The following ARNT2 variants were observed in gnomAD, a reference collection of about 807,000 sequenced individuals.
The protein encoded by ARNT2 is aryl hydrocarbon receptor nuclear translocator 2, also known as ARNT protein 2.
Under a neutral mutation model 91.7 loss-of-function variants are expected in ARNT2, and 36 were observed. That is an observed-to-expected ratio of 0.39 (90% CI 0.30 to 0.52). ARNT2 has a LOEUF of 0.52. Ranked by LOEUF, ARNT2 falls within the 20% of genes least tolerant of loss-of-function variation. ARNT2 has a pLI of 0.72. For synonymous variants in ARNT2, 365 were observed against 347.1 expected (o/e 1.05, Z -0.57); for missense variants, 775 against 939.3 (o/e 0.83, Z 2.29).
At chr15:80,424,212 G>T (rs190993150) in intron 1 of ARNT2, among the ~76,000 whole-genome samples, 6 of 152,190 alleles carry the variant, frequency 3.9e-5, no homozygotes, top group Admixed American at 3.9e-4. Context: ...TACCTGGGCC[G>T]CAAGGACTGT....
At chr15:80,593,035 A>C (rs1471853388) in intron 18 of ARNT2, among the ~76,000 whole-genome samples, 1 of 152,202 alleles carries the variant, frequency 6.6e-6, no homozygotes, top group East Asian at 1.9e-4. Context: ...AACAGAACAC[A>C]TGTTGGGGAA....
At chr15:80,566,744 G>GTT (rs1898492312) in intron 12 of ARNT2, among the ~76,000 whole-genome samples, 1 of 152,164 alleles carries the variant, frequency 6.6e-6, no homozygotes, top group Non-Finnish European at 1.5e-5. Context: ...CCCAAACTCT[G>GTT]TCCAACCAGC....
chr15:80,559,339 C>G (rs529781466), intron 11 of ARNT2, among the ~76,000 whole-genome samples: 1 of 151,806 alleles, frequency 6.6e-6, no homozygotes, highest in Non-Finnish European at 1.5e-5. Context: ...CCAGCCCCAG[C>G]CCCAGCCCCG....
chr15:80,572,135 C>A (rs891359911), intron 12 of ARNT2, among the ~76,000 whole-genome samples: 8 of 151,288 alleles, frequency 5.3e-5, no homozygotes, highest in South Asian at 2.1e-4. Context: ...AAAAAAAAAA[C>A]AAACCTATTT....
chr15:80,447,087 G>C (rs1486749288), intron 1 of ARNT2, among the ~76,000 whole-genome samples: 1 of 152,090 alleles, frequency 6.6e-6, no homozygotes, highest in Non-Finnish European at 1.5e-5. Context: ...GAATAGCCAA[G>C]TTTAACATAT....
At chr15:80,452,518 T>A (rs1896411571) in intron 2 of ARNT2, among the ~76,000 whole-genome samples, 1 of 152,204 alleles carries the variant, frequency 6.6e-6, no homozygotes, top group Admixed American at 6.5e-5. Context: ...AGACAAGAGG[T>A]GTCAACTTAA....
At chr15:80,580,889 C>A (rs1174989319) in intron 16 of ARNT2, among the ~76,000 whole-genome samples, 1 of 152,092 alleles carries the variant, frequency 6.6e-6, no homozygotes, top group Non-Finnish European at 1.5e-5. Context: ...AACCACCAAC[C>A]CTTGTGACAT....
intron 8 of ARNT2, among the ~76,000 whole-genome samples, chr15:80,520,943 T>G (rs1372677845): frequency 2.6e-5 from 4 of 152,220 alleles, no homozygotes; most frequent in Non-Finnish European, 5.9e-5. Context: ...ATATTGACTT[T>G]GGAAACAAAA....
chr15:80,442,856 CA>C, intron 1 of ARNT2: 1 of 985,362 alleles, frequency 1.0e-6, no homozygotes, highest in Non-Finnish European at 1.2e-6. Flanking sequence ...ATCAGGTGAC[CA>C]AGGTTTTTTA....
At chr15:80,505,786 G>A (rs1897264068) in intron 5 of ARNT2, among the ~76,000 whole-genome samples, 1 of 152,190 alleles carries the variant, frequency 6.6e-6, no homozygotes, top group Admixed American at 6.5e-5. Flanking sequence ...AGAAAGGGCA[G>A]CTTTGGACAG....
chr15:80,550,772 G>T (rs1047043797), intron 8 of ARNT2, among the ~76,000 whole-genome samples: 1 of 152,228 alleles, frequency 6.6e-6, no homozygotes, highest in African/African-American at 2.4e-5. Flanking sequence ...TTAGTAACCA[G>T]CTTCAGTGGT....
At chr15:80,415,344 G>A (rs1171480325) in intron 1 of ARNT2, among the ~76,000 whole-genome samples, 1 of 152,232 alleles carries the variant, frequency 6.6e-6, no homozygotes, top group Non-Finnish European at 1.5e-5. Context: ...TGCCAACCGT[G>A]TGCTCACAGT....
chr15:80,509,085 C>A (rs778421040), intron 6 of ARNT2, among the ~76,000 whole-genome samples: 1 of 152,176 alleles, frequency 6.6e-6, no homozygotes, highest in Non-Finnish European at 1.5e-5. Context: ...TTATTCAACA[C>A]ATTTATGTTA....
chr15:80,582,284 G>C (rs888830401), intron 17 of ARNT2, among the ~76,000 whole-genome samples: 1 of 149,072 alleles, frequency 6.7e-6, no homozygotes, highest in African/African-American at 2.5e-5. Flanking sequence ...CGGAGCCCAG[G>C]AGTTCAAGAC....
At chr15:80,467,735 TGGCGAGGCGG>T (rs1442055204) in intron 3 of ARNT2, among the ~76,000 whole-genome samples, 2 of 152,168 alleles carry the variant, frequency 1.3e-5, no homozygotes, top group Non-Finnish European at 2.9e-5. Flanking sequence ...AAGTGTAGGC[TGGCGAGGCGG>T]GGGCTCACCC....
At chr15:80,506,275 G>A (rs183317671) in intron 5 of ARNT2, among the ~76,000 whole-genome samples, 1 of 152,336 alleles carries the variant, frequency 6.6e-6, no homozygotes, top group Admixed American at 6.5e-5. Context: ...TTCCATTCAA[G>A]GGATGCCATG....
chr15:80,555,242 G>A lies in ARNT2; in HGVS notation c.1164+103G>A, dbSNP rs1288648705. 7.1e-6 allele frequency: 9 copies of A among 1,274,234 alleles called. No homozygotes were observed. In the East Asian group the frequency reaches 2.1e-4, roughly 30 times the overall value. The allele number at this position is 1,274,234 out of a possible 1,614,324, so 78.9% of individuals were successfully genotyped here. ...TACTATGTGCCAGGCAGGCTGCAAGGTCCTACCTATGGCCTCACTCAGGGC... is the reference window on the plus strand; with the variant it reads ...TACTATGTGCCAGGCAGGCTGCAAGATCCTACCTATGGCCTCACTCAGGGC... On this transcript the variant is annotated intron_variant, in intron 11 of 18. Coordinates refer to ENST00000303329, the MANE Select transcript of ARNT2 (RefSeq NM_014862.4).
rs1896380061 is a variant in ARNT2, at chr15:80,450,986, G to A, written c.138G>A (p.Arg46=). The change falls in exon 2 of 19, where the codon CGG becomes CGA. Residue 46 remains arginine, a synonymous_variant. Coordinates refer to ENST00000303329, the MANE Select transcript of ARNT2 (RefSeq NM_014862.4). ...AGAMPARGGK[R]RSGMDFDDED... is the part of the protein sequence containing the mutation. ...CCATGCCTGCCCGTGGAGGAAAGCG[G>A]CGTTCCGGGTAAGCGACCTCAGCGT... 1 of 1,613,732 alleles carries A rather than the reference G, an allele frequency of 6.2e-7. No individual in the cohort carries two copies. The highest frequency in any genetic ancestry group is 8.5e-7 in the Non-Finnish European group (1 of 1,179,914).
chr15:80,521,599 T>A (rs938074802), intron 8 of ARNT2, among the ~76,000 whole-genome samples: 2 of 152,070 alleles, frequency 1.3e-5, no homozygotes, highest in Non-Finnish European at 2.9e-5. Flanking sequence ...TATTAAATTC[T>A]ACATGTCATT....
Sources: gnomAD v4.1 joint callset for allele counts (sites outside exome capture counted in the v4.1 genomes callset) on GRCh38, gnomAD v4.1.1 for gene constraint, MANE v1.5 for transcripts, NCBI Gene and HGNC (gene_info 2026-07-23, HGNC 2026-07-21) for gene names.